The following TMEM61 variants were observed in gnomAD, a reference collection of about 807,000 sequenced individuals.
TMEM61 encodes the protein transmembrane protein 61.
A neutral mutation model predicts 12.0 loss-of-function variants in TMEM61; 13 were observed. The observed-to-expected ratio is 1.08, with a 90% CI of 0.70 to 1.72. The LOEUF is 1.72. TMEM61 is among the 40% of genes most tolerant of loss of function. The pLI, the probability that TMEM61 is intolerant of heterozygous loss-of-function variation, is 0.00. For missense variants in TMEM61, 249 were observed against 276.9 expected (o/e 0.90, Z 0.71); for synonymous variants, 109 against 121.4 (o/e 0.90, Z 0.67).
chr1:54,983,459 T>A (rs1435434213), intron 1 of TMEM61, among the ~76,000 whole-genome samples: 1 of 152,184 alleles, frequency 6.6e-6, no homozygotes, highest in African/African-American at 2.4e-5. Flanking sequence ...TGTGGTTTTC[T>A]CCTTTTTCCA....
chr1:54,992,028 C>G lies in TMEM61; in HGVS notation c.558C>G (p.Ala186=). The G allele has an allele frequency of 6.2e-7, 1 of 1,613,694 alleles. No individual in the cohort carries two copies. Among genetic ancestry groups the G allele is most frequent in the Non-Finnish European group, 8.5e-7 (1 of 1,179,970 alleles). Residue 186 remains alanine (A), a synonymous_variant, in exon 3 of 3, where the codon GCC becomes GCG. Transcript: ENST00000371268. ...AGAGCATCAGCCTTGCTCTTGATGC[C>G]GTTTCTGCGGAGACGACACCGAGTG... The part of the protein sequence containing the change: ...SYESISLALD[A]VSAETTPSAT...
chr1:54,981,491 G>A (rs1350179572), intron 1 of TMEM61, among the ~76,000 whole-genome samples: 4 of 152,120 alleles, frequency 2.6e-5, no homozygotes, highest in Admixed American at 1.3e-4. Flanking sequence ...GGTGGCGGGC[G>A]CTTGTAATCC....
chr1:54,991,729 G>A, intron 2 of TMEM61, 107 bp from the exon 3 acceptor site: 2 of 1,338,134 alleles, frequency 1.5e-6, no homozygotes, highest in Non-Finnish European at 2.1e-6. Flanking sequence ...CAAAGGCTTG[G>A]AGCAGGGTGT....
At chr1:54,991,760 C>A in intron 2 of TMEM61, 76 bp from the exon 3 acceptor site, 3 of 1,520,088 alleles carry the variant, frequency 2.0e-6, no homozygotes, top group South Asian at 1.2e-5. Flanking sequence ...CTGCCCCCAG[C>A]CTTCCTCACT....
At chr1:54,981,580 T>C (rs115668929) in intron 1 of TMEM61, among the ~76,000 whole-genome samples, 3,291 of 152,280 alleles carry the variant, frequency 0.022, 127 homozygotes, top group African/African-American at 0.076. Flanking sequence ...ATCGCAGGAC[T>C]GCCCTCCAGC....
Position 54,992,067 on chromosome 1 carries a change from C to T in TMEM61, c.597C>T (p.Cys199=). The change falls in exon 3 of 3, where the codon TGC becomes TGT. Residue 199 remains cysteine (C), a synonymous_variant. Transcript: ENST00000371268. ...CGACACCGAGTGCCACACGCTCCTGCTCAGGCCTGGTTCAGACTGCACGGG... is the reference window on the plus strand; with the variant it reads ...CGACACCGAGTGCCACACGCTCCTGTTCAGGCCTGGTTCAGACTGCACGGG... ...AETTPSATRS[C]SGLVQTARGG... is the part of the protein sequence containing the mutation. 1 of 1,613,392 alleles carries T rather than the reference C, an allele frequency of 6.2e-7. No individual in the cohort carries two copies. Among genetic ancestry groups the T allele is most frequent in the Non-Finnish European group, 8.5e-7 (1 of 1,180,040 alleles).
Position 54,989,186 on chromosome 1 carries a change from A to C in TMEM61, c.366-2650A>C, listed in dbSNP as rs72907637. Among the ~76,000 whole-genome samples the C allele has an allele frequency of 3.3e-3, 507 of 151,928 alleles. 5 individuals are homozygous for C. The highest frequency in any genetic ancestry group is 0.012 in the African/African-American group (495 of 41,410). ...CAGCTGAGAAGACTGAGGTGAGGAG[A>C]GATGAGGTGGCTTGGGGGAGAGGTG... is the stretch of plus-strand genomic sequence containing the variant. On this transcript the variant is annotated intron_variant, in intron 2 of 2. Coordinates refer to ENST00000371268, the MANE Select transcript of TMEM61 (RefSeq NM_182532.3).
intron 2 of TMEM61, among the ~76,000 whole-genome samples, chr1:54,989,755 A>T (rs1384436389): frequency 6.6e-6 from 1 of 152,106 alleles, no homozygotes; most frequent in Non-Finnish European, 1.5e-5. Context: ...TGTGGGCAGA[A>T]CTCACCGGCA....
chr1:54,984,665 C>T (rs572228305), intron 1 of TMEM61, among the ~76,000 whole-genome samples: 1 of 152,286 alleles, frequency 6.6e-6, no homozygotes, highest in African/African-American at 2.4e-5. Flanking sequence ...TGGACCCTGC[C>T]CTCAGGGAGC....
intron 2 of TMEM61, among the ~76,000 whole-genome samples, chr1:54,986,790 G>A (rs978580517): frequency 6.6e-6 from 1 of 151,802 alleles, no homozygotes; most frequent in Non-Finnish European, 1.5e-5. Flanking sequence ...AAGCCTAGGC[G>A]CAAGAGTCAG....
At chr1:54,985,230 TG>T (rs1644249703) in intron 1 of TMEM61, among the ~76,000 whole-genome samples, 2 of 130,184 alleles carry the variant, frequency 1.5e-5, no homozygotes, top group African/African-American at 2.5e-5. Flanking sequence ...TGTGTGTGTG[TG>T]TGTGTGTGTG....
chr1:54,991,323 T>C (rs2433678), intron 2 of TMEM61, among the ~76,000 whole-genome samples: 102,585 of 152,128 alleles, frequency 0.67, 36,344 homozygotes, highest in Non-Finnish European at 0.79. Flanking sequence ...CCTGGAGGTA[T>C]GCAAGTAGAG....
Position 54,986,083 on chromosome 1 carries a change from T to C in TMEM61, c.16-14T>C. On this transcript the variant is annotated splice_polypyrimidine_tract_variant and intron_variant, in intron 1 of 2. Coordinates refer to ENST00000371268, the MANE Select transcript of TMEM61 (RefSeq NM_182532.3). ...ATGGCCCATTTCCTCTTCTCCCTCCTTCTCTGTGTCCAGATGTGTGACGGG... is the reference window on the plus strand; with the variant it reads ...ATGGCCCATTTCCTCTTCTCCCTCCCTCTCTGTGTCCAGATGTGTGACGGG... The C allele has an allele frequency of 6.4e-7, 1 of 1,563,608 alleles. No individual in the cohort carries two copies. Among genetic ancestry groups the C allele is most frequent in the South Asian group, 1.2e-5 (1 of 83,302 alleles).
intron 1 of TMEM61, among the ~76,000 whole-genome samples, chr1:54,981,900 A>C (rs1183585305): frequency 6.6e-6 from 1 of 152,234 alleles, no homozygotes; most frequent in African/African-American, 2.4e-5. Flanking sequence ...TGGAAATAAA[A>C]ATAATCATAA....
intron 2 of TMEM61, among the ~76,000 whole-genome samples, chr1:54,987,901 G>A (rs957005771): frequency 3.9e-5 from 6 of 152,186 alleles, no homozygotes; most frequent in Non-Finnish European, 7.3e-5. Flanking sequence ...TTTCCGAGTC[G>A]AAGAATGTAG....
intron 1 of TMEM61, among the ~76,000 whole-genome samples, chr1:54,984,333 C>T (rs958419402): frequency 3.3e-5 from 5 of 152,214 alleles, no homozygotes; most frequent in African/African-American, 9.6e-5. Context: ...GGAGACAGTG[C>T]TTCTGCAAAT....
intron 1 of TMEM61, 143 bp downstream of exon 1, chr1:54,981,223 T>A: frequency 1.1e-6 from 1 of 912,266 alleles, no homozygotes. Context: ...GGTTTTATCT[T>A]GCTGGGTGGC....
At chr1:54,990,374 C>T (rs545806104) in intron 2 of TMEM61, among the ~76,000 whole-genome samples, 1 of 152,270 alleles carries the variant, frequency 6.6e-6, no homozygotes, top group African/African-American at 2.4e-5. Flanking sequence ...AGCCTCCCAG[C>T]AGGCTGCTGT....
chr1:54,983,784 G>A (rs747711805), intron 1 of TMEM61, among the ~76,000 whole-genome samples: 7 of 152,148 alleles, frequency 4.6e-5, no homozygotes, highest in Admixed American at 3.9e-4. Context: ...CCAGAAGCAG[G>A]TTTCTCCTCT....
Sources: gnomAD v4.1 joint callset for allele counts (sites outside exome capture counted in the v4.1 genomes callset) on GRCh38, gnomAD v4.1.1 for gene constraint, MANE v1.5 for transcripts, NCBI Gene and HGNC (gene_info 2026-07-23, HGNC 2026-07-21) for gene names.